The following WWOX variants were observed in gnomAD, a reference collection of about 807,000 sequenced individuals.
WWOX encodes the protein WW domain-containing oxidoreductase.
WWOX carries 69 observed loss-of-function variants against 46.2 expected under a neutral mutation model. The ratio of observed to expected loss-of-function variants is 1.49; its 90% CI spans 1.23 to 1.82. The LOEUF (loss-of-function observed/expected upper bound fraction) is 1.82, where lower values mean the gene tolerates loss of function less well. Among genes scored for constraint, WWOX ranks in the 40% most tolerant of loss-of-function variants. The probability of loss-of-function intolerance (pLI) is 0.00; values close to 1 mark genes in which losing one functional copy is unlikely to be tolerated. For missense variants in WWOX, 919 were observed against 542.6 expected, an observed-to-expected ratio of 1.69 and a Z score of -6.89; for synonymous variants, 359 against 202.6, an observed-to-expected ratio of 1.77 and a Z score of -6.56.
intron 5 of WWOX, among the ~76,000 whole-genome samples, chr16:78,371,233 T>G (rs2151921586): frequency 6.6e-6 from 1 of 152,290 alleles, no homozygotes; most frequent in Non-Finnish European, 1.5e-5. Flanking sequence ...ACTAAAATTT[T>G]CTTGTGCATC....
intron 8 of WWOX, among the ~76,000 whole-genome samples, chr16:78,681,501 A>G (rs149445773): frequency 6.6e-6 from 1 of 151,396 alleles, no homozygotes; most frequent in South Asian, 2.1e-4. Flanking sequence ...TTTAATTATG[A>G]CTTCAAAAAA....
At chr16:78,392,008 T>A (rs1238538249) in intron 6 of WWOX, among the ~76,000 whole-genome samples, 1 of 148,246 alleles carries the variant, frequency 6.7e-6, no homozygotes, top group South Asian at 2.2e-4. Flanking sequence ...TTTTTTTTTT[T>A]CCTTAAAAAA....
At chr16:79,075,465 G>C (rs1170519307) in intron 8 of WWOX, among the ~76,000 whole-genome samples, 1 of 151,934 alleles carries the variant, frequency 6.6e-6, no homozygotes, top group Non-Finnish European at 1.5e-5. Context: ...CCATATGATT[G>C]TTGCTTTCAT....
At chr16:78,732,346 C>T (rs946297803) in intron 8 of WWOX, among the ~76,000 whole-genome samples, 4 of 152,028 alleles carry the variant, frequency 2.6e-5, no homozygotes, top group Admixed American at 1.3e-4. Context: ...CTCAATCTAG[C>T]GTAGGTAGGA....
chr16:78,110,518 C>G (rs772125880), intron 3 of WWOX, among the ~76,000 whole-genome samples: 2 of 151,992 alleles, frequency 1.3e-5, no homozygotes, highest in African/African-American at 2.4e-5. Flanking sequence ...ATCAAATTGC[C>G]TATTGGACAT....
intron 8 of WWOX, among the ~76,000 whole-genome samples, chr16:78,556,583 G>A (rs968181260): frequency 6.6e-6 from 1 of 152,144 alleles, no homozygotes; most frequent in Non-Finnish European, 1.5e-5. Context: ...ACCGGCGTGC[G>A]GTGAGTTGCC....
intron 8 of WWOX, among the ~76,000 whole-genome samples, chr16:78,862,239 C>T (rs2043903590): frequency 6.6e-6 from 1 of 150,800 alleles, no homozygotes; most frequent in African/African-American, 2.5e-5. Flanking sequence ...TATCTATACA[C>T]ACCTATGGGT....
intron 8 of WWOX, among the ~76,000 whole-genome samples, chr16:78,522,907 A>G (rs80207799): frequency 0.017 from 2,634 of 152,252 alleles, 52 homozygotes; most frequent in African/African-American, 0.048. Context: ...TCCCGTCTCC[A>G]CTAAAAATAC....
chr16:78,267,802 C>T (rs1050114757), intron 5 of WWOX, among the ~76,000 whole-genome samples: 6 of 152,196 alleles, frequency 3.9e-5, no homozygotes, highest in African/African-American at 1.4e-4. Context: ...CAGGGTCTCA[C>T]TCTCATTGCC....
chr16:78,828,747 C>T (rs1424374592), intron 8 of WWOX, among the ~76,000 whole-genome samples: 1 of 152,068 alleles, frequency 6.6e-6, no homozygotes, highest in South Asian at 2.1e-4. Context: ...GTCCTCCAAC[C>T]CTATAAAGTG....
chr16:78,169,164 G>T (rs888728735), intron 5 of WWOX, among the ~76,000 whole-genome samples: 1 of 152,114 alleles, frequency 6.6e-6, no homozygotes, highest in South Asian at 2.1e-4. Context: ...TTATACACTG[G>T]TGCCCTCACC....
intron 8 of WWOX, among the ~76,000 whole-genome samples, chr16:79,104,111 A>G (rs1454207957): frequency 6.8e-6 from 1 of 146,532 alleles, no homozygotes; most frequent in Non-Finnish European, 1.5e-5. Flanking sequence ...TTTCTTTTTC[A>G]GCCCTGGGAG....
At chr16:79,143,545 A>G (rs919773293) in intron 8 of WWOX, among the ~76,000 whole-genome samples, 6 of 152,222 alleles carry the variant, frequency 3.9e-5, no homozygotes, top group African/African-American at 1.2e-4. Context: ...TATTCTTGAT[A>G]CATACCAATG....
At chr16:79,183,791 C>T (rs13334956) in intron 8 of WWOX, among the ~76,000 whole-genome samples, 1 of 152,152 alleles carries the variant, frequency 6.6e-6, no homozygotes, top group Non-Finnish European at 1.5e-5. Context: ...CCCTAGGTCC[C>T]AGAGCTGGAA....
intron 8 of WWOX, among the ~76,000 whole-genome samples, chr16:78,985,200 C>T (rs1409240061): frequency 6.6e-6 from 1 of 152,206 alleles, no homozygotes; most frequent in African/African-American, 2.4e-5. Flanking sequence ...CAGGACTTAA[C>T]TCTGGAGAGA....
At chr16:78,246,781 C>T (rs190306837) in intron 5 of WWOX, among the ~76,000 whole-genome samples, 7 of 152,104 alleles carry the variant, frequency 4.6e-5, no homozygotes, top group Non-Finnish European at 8.8e-5. Context: ...TGGCGTGGGG[C>T]GGTGTGTTTG....
At chr16:79,092,224 T>G (rs1242488176) in intron 8 of WWOX, among the ~76,000 whole-genome samples, 1 of 152,168 alleles carries the variant, frequency 6.6e-6, no homozygotes, top group Non-Finnish European at 1.5e-5. Flanking sequence ...CTAATAGGAT[T>G]CATTACATGT....
intron 8 of WWOX, among the ~76,000 whole-genome samples, chr16:78,442,692 C>T (rs143403705): frequency 2.0e-5 from 3 of 152,220 alleles, no homozygotes; most frequent in Non-Finnish European, 2.9e-5. Context: ...ATAAAAACCT[C>T]ATATGGGCCA....
intron 8 of WWOX, among the ~76,000 whole-genome samples, chr16:78,837,275 C>T (rs372451107): frequency 1.1e-4 from 16 of 152,244 alleles, no homozygotes; most frequent in South Asian, 2.1e-4. Context: ...TACCTTTCAA[C>T]GCGAGTTTCA....
Sources: allele counts gnomAD v4.1 joint callset (sites outside exome capture counted in the v4.1 genomes callset), GRCh38; gene constraint gnomAD v4.1.1; transcripts MANE v1.5; gene names NCBI Gene and HGNC (gene_info 2026-07-23, HGNC 2026-07-21).